Variants in FAM168A observed in about 807,000 individuals in gnomAD.
FAM168A encodes the protein protein FAM168A.
Under a neutral mutation model 28.5 loss-of-function variants are expected in FAM168A, and 3 were observed. The observed-to-expected ratio is 0.11, with a 90% CI of 0.05 to 0.27. The LOEUF (loss-of-function observed/expected upper bound fraction) is 0.27, where lower values mean the gene tolerates loss of function less well. FAM168A is among the 10% of genes least tolerant of loss of function. The pLI, the probability that FAM168A is intolerant of heterozygous loss-of-function variation, is 1.00. For missense variants in FAM168A, 222 were observed against 311.5 expected, an observed-to-expected ratio of 0.71 and a Z score of 2.16; for synonymous variants, 122 against 124.2, an observed-to-expected ratio of 0.98 and a Z score of 0.12.
intron 3 of FAM168A, among the ~76,000 whole-genome samples, chr11:73,424,095 A>G (rs1866842905): frequency 6.6e-6 from 1 of 152,232 alleles, no homozygotes; most frequent in Admixed American, 6.5e-5. Context: ...AAGGGACCTC[A>G]GAGATCATGT....
At chr11:73,413,017 G>A (rs1866640089) in intron 4 of FAM168A, among the ~76,000 whole-genome samples, 1 of 152,144 alleles carries the variant, frequency 6.6e-6, no homozygotes, top group Admixed American at 6.5e-5. Context: ...GTAAAATCAG[G>A]TGGCTAAGAA....
intron 1 of FAM168A, among the ~76,000 whole-genome samples, chr11:73,484,144 T>G (rs1356002937): frequency 1.3e-5 from 2 of 152,216 alleles, no homozygotes; most frequent in Non-Finnish European, 2.9e-5. Context: ...ACTTCCAGCA[T>G]CAGCGCTGAG....
chr11:73,594,552 G>A (rs1397515475), intron 1 of FAM168A, among the ~76,000 whole-genome samples: 1 of 152,170 alleles, frequency 6.6e-6, no homozygotes, highest in East Asian at 1.9e-4. Flanking sequence ...TTGTTTGTTT[G>A]TTTTGAGACA....
At chr11:73,415,325 A>T (rs911853125) in intron 4 of FAM168A, among the ~76,000 whole-genome samples, 4 of 152,226 alleles carry the variant, frequency 2.6e-5, no homozygotes, top group Non-Finnish European at 4.4e-5. Context: ...CAGATGAGAT[A>T]ATGAGTAGTT....
chr11:73,458,607 TTC>T (rs1867582964), intron 2 of FAM168A, among the ~76,000 whole-genome samples: 2 of 150,352 alleles, frequency 1.3e-5, no homozygotes, highest in Admixed American at 1.3e-4. Context: ...TAATAGAAAT[TTC>T]TTTCTTTCTT....
Position 73,566,808 on chromosome 11 carries a change from A to G in FAM168A, c.-19+31115T>C, listed in dbSNP as rs189648494. 2.2e-3 allele frequency among the ~76,000 whole-genome samples: 342 copies of G among 152,388 alleles called. 1 individual carries two copies. The highest frequency in any genetic ancestry group is 7.7e-3 in the African/African-American group (322 of 41,594). ...ATTACTATAAAATGTTACAGGTCCT[A>G]TAACAGGCATCAACACAGGAGAAGC... On this transcript the variant is annotated intron_variant, in intron 1 of 7. Coordinates refer to ENST00000356467, the MANE Select transcript of FAM168A (RefSeq NM_015159.3).
chr11:73,530,936 A>G (rs537525889), intron 1 of FAM168A, among the ~76,000 whole-genome samples: 3 of 152,332 alleles, frequency 2.0e-5, no homozygotes, highest in African/African-American at 7.2e-5. Flanking sequence ...TCAATAAACA[A>G]TAAACATGTA....
intron 1 of FAM168A, among the ~76,000 whole-genome samples, chr11:73,571,436 C>T (rs1442275780): frequency 1.3e-5 from 2 of 151,810 alleles, no homozygotes; most frequent in African/African-American, 2.4e-5. Context: ...TTGGTGGAGA[C>T]GGGGTTTCGC....
intron 1 of FAM168A, among the ~76,000 whole-genome samples, chr11:73,526,423 T>C (rs985785349): frequency 6.6e-6 from 1 of 152,202 alleles, no homozygotes; most frequent in Non-Finnish European, 1.5e-5. Flanking sequence ...TTCTTGTGCC[T>C]GAGTTCTAAT....
intron 1 of FAM168A, among the ~76,000 whole-genome samples, chr11:73,483,498 A>G (rs990247572): frequency 2.0e-5 from 3 of 152,216 alleles, no homozygotes; most frequent in African/African-American, 7.2e-5. Flanking sequence ...TAATATAATC[A>G]TATCTGTGTT....
intron 3 of FAM168A, 97 bp from the exon 4 acceptor site, chr11:73,420,096 TACA>T: frequency 7.4e-6 from 11 of 1,485,078 alleles, no homozygotes; most frequent in Non-Finnish European, 1.0e-5. Context: ...GACAGAAACA[TACA>T]ACCCAAGGGG....
At chr11:73,501,419 T>G (rs1020879457) in intron 1 of FAM168A, among the ~76,000 whole-genome samples, 1 of 152,206 alleles carries the variant, frequency 6.6e-6, no homozygotes, top group African/African-American at 2.4e-5. Context: ...GCACTTATTC[T>G]AAAATCAACC....
intron 2 of FAM168A, among the ~76,000 whole-genome samples, chr11:73,445,326 G>T (rs1287882595): frequency 1.3e-5 from 2 of 148,366 alleles, no homozygotes; most frequent in Non-Finnish European, 3.0e-5. Flanking sequence ...CTTATTGTTA[G>T]ACATGTCATC....
At chr11:73,552,995 G>A (rs59151156) in intron 1 of FAM168A, among the ~76,000 whole-genome samples, 8,554 of 152,150 alleles carry the variant, frequency 0.056, 840 homozygotes, top group African/African-American at 0.2. Context: ...ATGCATGACT[G>A]AAGGAATGAA....
At chr11:73,496,087 C>T (rs575564645) in intron 1 of FAM168A, among the ~76,000 whole-genome samples, 4 of 147,980 alleles carry the variant, frequency 2.7e-5, no homozygotes, top group Admixed American at 1.3e-4. Flanking sequence ...ACACACAACC[C>T]GCATACACAC....
intron 2 of FAM168A, among the ~76,000 whole-genome samples, chr11:73,437,826 G>C (rs7933274): frequency 6.6e-6 from 1 of 151,966 alleles, no homozygotes; most frequent in South Asian, 2.1e-4. Flanking sequence ...CAGCTTGCTA[G>C]AGATATGAAG....
At chr11:73,472,478 G>A (rs1867829329) in intron 1 of FAM168A, among the ~76,000 whole-genome samples, 1 of 152,210 alleles carries the variant, frequency 6.6e-6, no homozygotes, top group African/African-American at 2.4e-5. Context: ...GGCCTCATAG[G>A]CCACTATACA....
At chr11:73,456,388 T>C (rs556933174) in intron 2 of FAM168A, among the ~76,000 whole-genome samples, 2 of 152,196 alleles carry the variant, frequency 1.3e-5, no homozygotes, top group South Asian at 4.2e-4. Flanking sequence ...TTATAGAAAT[T>C]TACCAATGAC....
At chr11:73,552,140 C>T (rs1943837041) in intron 1 of FAM168A, among the ~76,000 whole-genome samples, 3 of 152,112 alleles carry the variant, frequency 2.0e-5, no homozygotes. Context: ...AAACAAAATC[C>T]TAAGAACCAA....
Sources: allele counts gnomAD v4.1 joint callset (sites outside exome capture counted in the v4.1 genomes callset), GRCh38; gene constraint gnomAD v4.1.1; transcripts MANE v1.5; gene names NCBI Gene and HGNC (gene_info 2026-07-23, HGNC 2026-07-21).